VWF: variants seen among roughly 807,000 people sequenced by gnomAD.
VWF encodes von Willebrand factor, also known as Factor VIII related antigen.
VWF carries 176 observed loss-of-function variants against 308.6 expected under a neutral mutation model. That is an observed-to-expected ratio of 0.57 (90% CI 0.50 to 0.65). The LOEUF (loss-of-function observed/expected upper bound fraction) is 0.65. VWF is among the 30% of genes least tolerant of loss of function. The probability of loss-of-function intolerance (pLI) is 0.00; values close to 1 mark genes in which losing one functional copy is unlikely to be tolerated. For missense variants in VWF, 3,146 were observed against 3,648.2 expected (o/e 0.86, Z 3.55); for synonymous variants, 1,385 against 1,443.4 (o/e 0.96, Z 0.92).
At chr12:5,965,349 C>A (rs1399786032) in intron 47 of VWF, among the ~76,000 whole-genome samples, 1 of 152,180 alleles carries the variant, frequency 6.6e-6, no homozygotes, top group East Asian at 1.9e-4. Context: ...TTCCATCCAT[C>A]TCCCCGTGTT....
Position 6,108,270 on chromosome 12 carries a change from G to A in VWF, c.532+2104C>T, listed in dbSNP as rs577193102. ...GATCTCACCACTGCAATCCGGCCTG[G>A]GTGACAGAGCAAGACTCTGTCTTTA... is the stretch of plus-strand genomic sequence containing the variant. On this transcript the variant is annotated intron_variant, in intron 5 of 51. Transcript: ENST00000261405. Among the ~76,000 whole-genome samples the A allele has an allele frequency of 4.0e-5, 6 of 148,624 alleles. 1 individual carries two copies. The highest frequency in any genetic ancestry group is 1.5e-4 in the African/African-American group (6 of 40,442).
chr12:6,055,761 TACACACACAC>T (rs35414262), intron 15 of VWF, among the ~76,000 whole-genome samples: 18 of 135,348 alleles, frequency 1.3e-4, no homozygotes, highest in South Asian at 9.6e-4. Context: ...TATATATGTA[TACACACACAC>T]ACACACACAC....
chr12:6,106,396 TAGAC>T (rs1214817701), intron 5 of VWF, among the ~76,000 whole-genome samples: 3 of 152,120 alleles, frequency 2.0e-5, no homozygotes, highest in Admixed American at 1.3e-4. Context: ...GTCAAAATCA[TAGAC>T]AGAAAGTAAA....
chr12:6,063,014 G>A lies in VWF; in HGVS notation c.1473C>T (p.Arg491=), dbSNP rs1944671515. The A allele has an allele frequency of 6.8e-6, 11 of 1,613,706 alleles. No homozygotes were observed. Among genetic ancestry groups the A allele is most frequent in the East Asian group, 4.5e-5 (2 of 44,886 alleles). Residue 491 remains arginine (R), a synonymous_variant, in exon 13 of 52, where the codon CGC becomes CGT. Transcript: ENST00000261405. The surrounding 1 kb of genome is among the most constrained non-coding windows in gnomAD (Gnocchi z 4.9). The stretch of plus-strand genomic sequence containing the variant: ...TCTGCAGGTCCTCCCCGTAGCTGAG[G>A]CGCACGGAGGCCGTCACTGTATGCT... The part of the protein sequence containing the change: ...RIQHTVTASV[R]LSYGEDLQMD...
intron 5 of VWF, 23 bp downstream of exon 5, chr12:6,110,351 A>C (rs760715118): frequency 3.7e-6 from 6 of 1,611,958 alleles, no homozygotes; most frequent in Non-Finnish European, 5.1e-6. Flanking sequence ...ACTTTAGGGA[A>C]ATGGTATCCC....
At position 6,064,230 on chromosome 12, in the gene VWF, G is replaced by A. The variant is rs1339971156; in HGVS notation, c.1432+16C>T. The A allele has an allele frequency of 6.2e-6, 10 of 1,614,100 alleles. No individual in the cohort carries two copies. The highest frequency in any genetic ancestry group is 6.8e-6 in the Non-Finnish European group (8 of 1,180,034). The stretch of plus-strand genomic sequence containing the variant: ...CTGTGCCAGCCCCAGGCCTGATGGA[G>A]CAGGACGAAGCATACCTTTCAGGAG... On this transcript the variant is annotated intron_variant, in intron 12 of 51. Transcript: ENST00000261405.
intron 47 of VWF, 117 bp from the exon 48 acceptor site, chr12:5,953,711 C>T (rs1450338546): frequency 4.7e-6 from 4 of 855,430 alleles, no homozygotes; most frequent in Non-Finnish European, 7.9e-6. Flanking sequence ...ACCTAGAATT[C>T]GGAAAGTCAA....
At chr12:6,119,456 C>T (rs1306092563) in intron 3 of VWF, among the ~76,000 whole-genome samples, 2 of 152,178 alleles carry the variant, frequency 1.3e-5, no homozygotes. Context: ...TTCCAGCCTC[C>T]CCACTTCTCA....
intron 34 of VWF, among the ~76,000 whole-genome samples, chr12:6,006,951 G>C (rs1591855537): frequency 6.6e-6 from 1 of 152,152 alleles, no homozygotes; most frequent in Admixed American, 6.5e-5. Context: ...GCCATACTTA[G>C]AGAAATTAAA....
chr12:5,994,577 G>C lies in VWF; in HGVS notation c.6094C>G (p.Pro2032Ala). The C allele has an allele frequency of 6.2e-7, 1 of 1,613,918 alleles. No individual in the cohort carries two copies. The highest frequency in any genetic ancestry group is 8.5e-7 in the Non-Finnish European group (1 of 1,179,860). The change falls in exon 36 of 52, where the codon CCT becomes GCT. Residue 2032 changes from proline to alanine, a missense_variant. Coordinates refer to ENST00000261405, the MANE Select transcript of VWF (RefSeq NM_000552.5). Reference protein sequence around the residue: ...VTVNGRLVSVPYVGGNMEVNV... With the variant: ...VTVNGRLVSVAYVGGNMEVNV... Reference sequence around the variant, plus strand: ...ACTTCCATGTTCCCACCCACGTAAGGAACAGAGACCAGTCTCCCATTCACC... The same window carrying C: ...ACTTCCATGTTCCCACCCACGTAAGCAACAGAGACCAGTCTCCCATTCACC...
Position 6,036,463 on chromosome 12 carries a change from A to C in VWF, c.2471T>G (p.Leu824Arg). 1 of 1,614,192 alleles carries C rather than the reference A, an allele frequency of 6.2e-7. No homozygotes were observed. Among genetic ancestry groups the C allele is most frequent in the South Asian group, 1.1e-5 (1 of 91,084 alleles). Residue 824 changes from leucine (L) to arginine (R), a missense_variant, in exon 19 of 52, where the codon CTG becomes CGG. Transcript: ENST00000261405. ...MVRHENRCVA[L>R]ERCPCFHQGK... ...CTGATGGAAGCAGGGACACCTTTCCAGGGCCACACATCTGTTCTCATGCCG... is the reference window on the plus strand; with the variant it reads ...CTGATGGAAGCAGGGACACCTTTCCCGGGCCACACATCTGTTCTCATGCCG...
chr12:5,965,883 G>A (rs1273773990), intron 47 of VWF, among the ~76,000 whole-genome samples: 2 of 152,214 alleles, frequency 1.3e-5, no homozygotes, highest in Non-Finnish European at 2.9e-5. Flanking sequence ...CAAGAGAGAG[G>A]AGGTGGCTTG....
At chr12:5,964,274 G>GCATACATACATGCATACATACATGCATA (rs1943369767) in intron 47 of VWF, among the ~76,000 whole-genome samples, 1 of 134,706 alleles carries the variant, frequency 7.4e-6, no homozygotes, top group African/African-American at 3.1e-5. Context: ...ATACATACAT[G>GCATACATACATGCATACATACATGCATA]CATACATACA....
chr12:5,983,810 T>TAGAC (rs1417479277), intron 40 of VWF, among the ~76,000 whole-genome samples: 1 of 151,504 alleles, frequency 6.6e-6, no homozygotes, highest in African/African-American at 2.4e-5. Context: ...GATAGATAGA[T>TAGAC]AGATAGATGA....
Position 5,967,603 on chromosome 12 carries a change from C to T in VWF, c.7771-1G>A. On this transcript the variant is annotated splice_acceptor_variant, in intron 46 of 51. Coordinates refer to ENST00000261405, the MANE Select transcript of VWF (RefSeq NM_000552.5). LOFTEE classifies it high-confidence loss of function. ...CATCGATCATCACAGTCTTCCCGGGCTGGAAGCAGAGGCACCAGGGTCAGG... is the reference window on the plus strand; with the variant it reads ...CATCGATCATCACAGTCTTCCCGGGTTGGAAGCAGAGGCACCAGGGTCAGG... 2 of 1,613,468 alleles carry T rather than the reference C, an allele frequency of 1.2e-6. No individual in the cohort carries two copies. The highest frequency in any genetic ancestry group is 1.7e-6 in the Non-Finnish European group (2 of 1,179,986).
At chr12:5,969,894 G>A (rs764003593) in intron 44 of VWF, among the ~76,000 whole-genome samples, 5 of 152,110 alleles carry the variant, frequency 3.3e-5, no homozygotes, top group Admixed American at 3.3e-4. Flanking sequence ...TGTCACCACG[G>A]GCAAGAAGCT....
intron 38 of VWF, among the ~76,000 whole-genome samples, chr12:5,989,515 T>C (rs941177311): frequency 7.9e-5 from 12 of 152,264 alleles, no homozygotes; most frequent in Admixed American, 7.2e-4. Context: ...AAAGTGGCTG[T>C]GTTGTTTTCA....
chr12:6,112,852 A>ACACACACACC lies in VWF; in HGVS notation c.221-1885_221-1884insGGTGTGTGTG, dbSNP rs1488406586. ...GACACACACACACACACACACACAC[A>ACACACACACC]CCACACGCACACACACCATGCACAC... On this transcript the variant is annotated intron_variant, in intron 3 of 51. Coordinates refer to ENST00000261405, the MANE Select transcript of VWF (RefSeq NM_000552.5). Among the ~76,000 whole-genome samples, 554 of 147,294 alleles carry ACACACACACC rather than the reference A, an allele frequency of 3.8e-3. 1 individual carries two copies. The highest frequency in any genetic ancestry group is 0.014 in the African/African-American group (527 of 38,650).
chr12:6,073,830 C>G, intron 7 of VWF, 89 bp from the exon 8 acceptor site: 1 of 1,581,550 alleles, frequency 6.3e-7, no homozygotes, highest in Non-Finnish European at 8.6e-7. Flanking sequence ...GCCTCTCGTG[C>G]CCACTCTGAC....
Sources: allele counts gnomAD v4.1 joint callset (sites outside exome capture counted in the v4.1 genomes callset), GRCh38; gene constraint gnomAD v4.1.1; non-coding constraint Gnocchi (gnomAD v3.1); transcripts MANE v1.5; gene names NCBI Gene and HGNC (gene_info 2026-07-23, HGNC 2026-07-21).